BRSK2: variants seen among roughly 807,000 people sequenced by gnomAD.
BRSK2 encodes BR serine/threonine kinase 2.
In BRSK2, 19 loss-of-function variants were observed where a neutral mutation model predicts 83.3. That is an observed-to-expected ratio of 0.23 (90% CI 0.16 to 0.33). The LOEUF (loss-of-function observed/expected upper bound fraction) is 0.33, where lower values mean the gene tolerates loss of function less well. BRSK2 is among the 10% of genes least tolerant of loss of function. The pLI is 1.00. For missense variants in BRSK2, 798 were observed against 1,042.3 expected (o/e 0.77, Z 3.23); for synonymous variants, 519 against 435.4 (o/e 1.19, Z -2.39).
intron 15 of BRSK2, 78 bp downstream of exon 15, chr11:1,451,497 T>C: frequency 6.8e-7 from 1 of 1,473,826 alleles, no homozygotes; most frequent in Non-Finnish European, 9.5e-7. Context: ...CCTTCCCCTA[T>C]GGCCAACGGG....
chr11:1,443,506 C>T lies in BRSK2; in HGVS notation c.651C>T (p.Asp217=), dbSNP rs372446452. ...FALLVGALPF[D]DDNLRQLLEK... is the part of the protein sequence containing the mutation. Reference sequence around the variant, plus strand: ...GCCCGCAGGGGGCTCTGCCCTTCGACGATGACAACTTGCGACAGCTGCTGG... The same window carrying T: ...GCCCGCAGGGGGCTCTGCCCTTCGATGATGACAACTTGCGACAGCTGCTGG... The change falls in exon 8 of 20, where the codon GAC becomes GAT. Residue 217 remains aspartate, a synonymous_variant. Transcript: ENST00000528841. The T allele has an allele frequency of 1.1e-5, 17 of 1,602,636 alleles. No homozygotes were observed. Among genetic ancestry groups the T allele is most frequent in the African/African-American group, 4.0e-5 (3 of 74,746 alleles).
chr11:1,419,229 G>T (rs1232485156), intron 1 of BRSK2, among the ~76,000 whole-genome samples: 17 of 148,464 alleles, frequency 1.1e-4, no homozygotes, highest in African/African-American at 3.5e-4. Flanking sequence ...CGGGGTGGGG[G>T]TCCTTTGCTC....
At chr11:1,441,634 T>C (rs1237160555) in intron 4 of BRSK2, among the ~76,000 whole-genome samples, 1 of 5,630 alleles carries the variant, frequency 1.8e-4, no homozygotes, top group Non-Finnish European at 2.8e-4. Flanking sequence ...CATCATCCCC[T>C]CCTCATTAGC....
chr11:1,424,567 G>C (rs914229660), intron 1 of BRSK2, among the ~76,000 whole-genome samples: 2 of 152,162 alleles, frequency 1.3e-5, no homozygotes, highest in Non-Finnish European at 2.9e-5. Flanking sequence ...AGGACCCTTC[G>C]CCAGGACCTG....
chr11:1,405,716 C>A (rs1017826779), intron 1 of BRSK2, among the ~76,000 whole-genome samples: 6 of 152,126 alleles, frequency 3.9e-5, no homozygotes, highest in African/African-American at 1.2e-4. Flanking sequence ...GGGCTCAGGG[C>A]AGCCTAAAGA....
intron 19 of BRSK2, among the ~76,000 whole-genome samples, 170 bp from the exon 20 acceptor site, chr11:1,460,330 G>T (rs1231613581): frequency 6.6e-6 from 1 of 151,732 alleles, no homozygotes. Flanking sequence ...ACCGGTCCCC[G>T]CTCGGCCCCA....
rs561406873 is a variant in BRSK2 at position 1,442,755 on chromosome 11, C to T, written c.530+149C>T. ...CAATGTGCCTGAGCCTCCCAGTACC[C>T]CACAGCCTGGTGGTGGTGGGGAGAC... On this transcript the variant is annotated intron_variant, in intron 5 of 19. Coordinates refer to ENST00000528841, the MANE Select transcript of BRSK2 (RefSeq NM_001256627.2). The T allele has an allele frequency of 5.8e-6, 4 of 688,678 alleles. No homozygotes were observed. In the South Asian group the frequency reaches 7.0e-5, roughly 12 times the overall value. 42.7% of individuals were successfully genotyped at this position (688,678 alleles called of 1,614,324 possible).
intron 1 of BRSK2, among the ~76,000 whole-genome samples, chr11:1,412,035 G>A (rs1304908991): frequency 3.8e-5 from 3 of 79,552 alleles, no homozygotes; most frequent in African/African-American, 1.6e-4. Flanking sequence ...CCCGTCCTGC[G>A]GTGGGTGGAG....
chr11:1,433,382 C>G lies in BRSK2; in HGVS notation c.92-2658C>G, dbSNP rs146940600. Among the ~76,000 whole-genome samples, 686 of 152,368 alleles carry G rather than the reference C, an allele frequency of 4.5e-3. 11 individuals carry two copies. The highest frequency in any genetic ancestry group is 0.015 in the African/African-American group (643 of 41,592). ...GTGGGCCCTTCATCCTTTGGGGTCT[C>G]CTGAGGGTGCCTCATGCTGGGCATT... On this transcript the variant is annotated intron_variant, in intron 1 of 19. Coordinates refer to ENST00000528841, the MANE Select transcript of BRSK2 (RefSeq NM_001256627.2).
chr11:1,435,093 G>C (rs1564837173), intron 1 of BRSK2, among the ~76,000 whole-genome samples: 2 of 151,594 alleles, frequency 1.3e-5, no homozygotes, highest in Non-Finnish European at 2.9e-5. Flanking sequence ...GGGAAGGAAG[G>C]GGCTGCCGGG....
At position 1,391,377 on chromosome 11, in the gene BRSK2, G is replaced by A. The variant is rs551571006; in HGVS notation, c.91+1002G>A. ...GGGTGGAGGGAAGGAGGAGGAGAGC[G>A]CTGGTGCAGGGTGGAGGCTCAGCCC... On this transcript the variant is annotated intron_variant, in intron 1 of 19. Coordinates refer to ENST00000528841, the MANE Select transcript of BRSK2 (RefSeq NM_001256627.2). Among the ~76,000 whole-genome samples the A allele has an allele frequency of 2.0e-5, 3 of 152,354 alleles. No homozygotes were observed. The East Asian group carries it at 5.8e-4, about 29-fold the overall frequency.
Position 1,461,145 on chromosome 11 carries a change from G to C in BRSK2, c.*422G>C. 1 of 1,167,554 alleles carries C rather than the reference G, an allele frequency of 8.6e-7. No individual in the cohort carries two copies. Among genetic ancestry groups the C allele is most frequent in the Non-Finnish European group, 1.2e-6 (1 of 849,686 alleles). The allele number at this position is 1,167,554 out of a possible 1,614,324, so 72.3% of individuals were successfully genotyped here. On this transcript the variant is annotated 3_prime_UTR_variant, in exon 20 of 20. Transcript: ENST00000528841. ...TCGCCTCAGCTCCGCACGGCCCGTG[G>C]GAGGAAGGCCAGGCTCGGGGGAGCC...
At chr11:1,428,149 C>T (rs1169925523) in intron 1 of BRSK2, among the ~76,000 whole-genome samples, 3 of 152,130 alleles carry the variant, frequency 2.0e-5, no homozygotes, top group Non-Finnish European at 4.4e-5. Context: ...CTGGGGACGG[C>T]TCTCCTACAT....
intron 1 of BRSK2, among the ~76,000 whole-genome samples, chr11:1,420,419 CCAGGTCCCCTGGAGACAGG>C (rs1848538074): frequency 6.6e-6 from 1 of 152,228 alleles, no homozygotes; most frequent in Admixed American, 6.5e-5. Flanking sequence ...TTTCAGTTTT[CCAGGTCCCCTGGAGACAGG>C]CAGGCCCAGG....
chr11:1,396,338 G>A (rs1846117248), intron 1 of BRSK2, among the ~76,000 whole-genome samples: 1 of 149,756 alleles, frequency 6.7e-6, no homozygotes, highest in South Asian at 2.1e-4. Flanking sequence ...GGCCAGCAAG[G>A]CCTGTACCCC....
intron 2 of BRSK2, among the ~76,000 whole-genome samples, chr11:1,437,640 G>C (rs1305435425): frequency 6.6e-6 from 1 of 152,200 alleles, no homozygotes; most frequent in Non-Finnish European, 1.5e-5. Flanking sequence ...CCTACTGTAT[G>C]TCCCACACAC....
chr11:1,443,762 G>A, intron 8 of BRSK2, 127 bp downstream of exon 8: 3 of 1,211,486 alleles, frequency 2.5e-6, no homozygotes, highest in South Asian at 3.2e-5. Flanking sequence ...CGGTGCCCAG[G>A]TGTGTGGACG....
In BRSK2 at chr11:1,461,124, C is replaced by T. The variant is rs1443951927; in HGVS notation, c.*401C>T. ...CGTCCACCCCGCGGCAGCTCCTCGC[C>T]TCAGCTCCGCACGGCCCGTGGGAGG... is the stretch of plus-strand genomic sequence containing the variant. On this transcript the variant is annotated 3_prime_UTR_variant, in exon 20 of 20. Coordinates refer to ENST00000528841, the MANE Select transcript of BRSK2 (RefSeq NM_001256627.2). 11 of 1,340,312 alleles carry T rather than the reference C, an allele frequency of 8.2e-6. No homozygotes were observed. The African/African-American group carries it at 1.2e-4, about 14-fold the overall frequency. 83.0% of individuals were successfully genotyped at this position (1,340,312 alleles called of 1,614,324 possible). A position where few individuals can be genotyped will look rare whatever the true frequency, so the allele number is the denominator to read the frequency against.
intron 13 of BRSK2, among the ~76,000 whole-genome samples, chr11:1,450,348 A>G (rs942875189): frequency 6.6e-6 from 1 of 151,786 alleles, no homozygotes; most frequent in Non-Finnish European, 1.5e-5. Flanking sequence ...CTCCCTCTGC[A>G]GGCCGCCCTG....
Sources: gnomAD v4.1 joint callset for allele counts (sites outside exome capture counted in the v4.1 genomes callset) on GRCh38, gnomAD v4.1.1 for gene constraint, MANE v1.5 for transcripts, NCBI Gene and HGNC (gene_info 2026-07-23, HGNC 2026-07-21) for gene names.